GRM1: variants seen among roughly 807,000 people sequenced by gnomAD.
GRM1 encodes glutamate metabotropic receptor 1.
A neutral mutation model predicts 90.9 loss-of-function variants in GRM1; 33 were observed. The ratio of observed to expected loss-of-function variants is 0.36; its 90% confidence interval spans 0.28 to 0.49. GRM1 has a LOEUF of 0.49. Among genes scored for constraint, GRM1 ranks in the 20% least tolerant of loss-of-function variants. GRM1 has a pLI of 0.99. For missense variants in GRM1, 1,190 were observed against 1,534.3 expected, an observed-to-expected ratio of 0.78 and a Z score of 3.75; for synonymous variants, 700 against 613.2, an observed-to-expected ratio of 1.14 and a Z score of -2.09.
chr6:146,101,684 GC>G (rs1777054942), intron 1 of GRM1, among the ~76,000 whole-genome samples: 1 of 151,856 alleles, frequency 6.6e-6, no homozygotes, highest in South Asian at 2.1e-4. Context: ...GTAGAACATT[GC>G]TATAATGCTA....
At chr6:146,297,010 G>A (rs2114903533) in intron 2 of GRM1, among the ~76,000 whole-genome samples, 1 of 152,268 alleles carries the variant, frequency 6.6e-6, no homozygotes, top group Admixed American at 6.5e-5. Context: ...AGCATTCCCT[G>A]ATGCATATCA....
At position 146,206,695 on chromosome 6, in the gene GRM1, G is replaced by T. The variant is rs9390382; in HGVS notation, c.950+47098G>T. On this transcript the variant is annotated intron_variant, in intron 2 of 7. Coordinates refer to ENST00000282753, the MANE Select transcript of GRM1 (RefSeq NM_001278064.2). ...GGTTTGTTACATAAACACATGTCAT[G>T]GGGGTTTGTTGTACAGATTATCTCA... 1.2e-3 allele frequency among the ~76,000 whole-genome samples: 177 copies of T among 151,694 alleles called. 2 individuals are homozygous for T. The East Asian group carries it at 0.031, about 27-fold the overall frequency.
chr6:146,402,557 C>G (rs535296244), intron 7 of GRM1, among the ~76,000 whole-genome samples: 16 of 152,256 alleles, frequency 1.1e-4, no homozygotes, highest in African/African-American at 3.9e-4. Context: ...GAGAACACAT[C>G]ACCCAATGAG....
chr6:146,105,582 G>C (rs941090640), intron 1 of GRM1, among the ~76,000 whole-genome samples: 2 of 150,922 alleles, frequency 1.3e-5, no homozygotes, highest in Non-Finnish European at 1.5e-5. Flanking sequence ...TGAAAAAAAA[G>C]ATAAACTATC....
chr6:146,304,330 G>A (rs998696916), intron 2 of GRM1, among the ~76,000 whole-genome samples: 5 of 152,100 alleles, frequency 3.3e-5, no homozygotes, highest in African/African-American at 9.7e-5. Context: ...AGTGAATGGC[G>A]CAGAATCTGA....
intron 1 of GRM1, among the ~76,000 whole-genome samples, chr6:146,032,864 G>C (rs1486636918): frequency 1.3e-5 from 2 of 152,120 alleles, no homozygotes; most frequent in Non-Finnish European, 1.5e-5. Context: ...TTAATTGTGA[G>C]ATTATCTTGA....
At chr6:146,220,878 G>C (rs1391095138) in intron 2 of GRM1, among the ~76,000 whole-genome samples, 1 of 152,074 alleles carries the variant, frequency 6.6e-6, no homozygotes, top group Non-Finnish European at 1.5e-5. Flanking sequence ...GACCAGGCAA[G>C]TCAGAGCTGG....
intron 1 of GRM1, among the ~76,000 whole-genome samples, chr6:146,114,864 C>G (rs1485316674): frequency 1.3e-5 from 2 of 152,014 alleles, no homozygotes; most frequent in Non-Finnish European, 2.9e-5. Flanking sequence ...CAAAAATACA[C>G]AAATAATAAG....
chr6:146,293,041 C>A (rs1463205903), intron 2 of GRM1, among the ~76,000 whole-genome samples: 1 of 151,936 alleles, frequency 6.6e-6, no homozygotes, highest in African/African-American at 2.4e-5. Context: ...TGTGTGATTA[C>A]ATTTGCATAT....
rs1356451413 is a variant in GRM1 at position 146,029,883 on chromosome 6, C to A, written c.366C>A (p.Phe122Leu). Residue 122 changes from phenylalanine to leucine, a missense_variant, in exon 1 of 8, where the codon TTC becomes TTA. Phe to Leu is a conservative substitution (Grantham distance 22, BLOSUM62 0). Coordinates refer to ENST00000282753, the MANE Select transcript of GRM1 (RefSeq NM_001278064.2). Reference protein sequence around the residue: ...SSVALEQSIEFIRDSLISIRD... With the variant: ...SSVALEQSIELIRDSLISIRD... ...TGGCTCTGGAACAGAGCATTGAGTT[C>A]ATTAGGGACTCTCTGATTTCCATTC... The A allele has an allele frequency of 3.1e-6, 5 of 1,614,124 alleles. No homozygotes were observed. The highest frequency in any genetic ancestry group is 4.2e-6 in the Non-Finnish European group (5 of 1,179,998).
In GRM1 at chr6:146,393,493, A is replaced by G. The variant is rs181979695; in HGVS notation, c.1730-5276A>G. Among the ~76,000 whole-genome samples the G allele has an allele frequency of 5.8e-3, 887 of 152,214 alleles. 8 individuals are homozygous for G. The highest frequency in any genetic ancestry group is 0.034 in the Middle Eastern group (10 of 294). On this transcript the variant is annotated intron_variant, in intron 6 of 7. Transcript: ENST00000282753. ...TCCTATAGGTTGCCTGTTCACTCTG[A>G]TGATAGTTTCTTTTGTTGTGCAGAA...
chr6:146,288,710 C>T (rs368862522), intron 2 of GRM1, among the ~76,000 whole-genome samples: 1 of 152,068 alleles, frequency 6.6e-6, no homozygotes, highest in Non-Finnish European at 1.5e-5. Context: ...TTTGCCATAT[C>T]GGCCAGGGTG....
chr6:146,197,261 T>A (rs1434087488), intron 2 of GRM1, among the ~76,000 whole-genome samples: 2 of 152,126 alleles, frequency 1.3e-5, no homozygotes, highest in African/African-American at 4.8e-5. Flanking sequence ...GTATTGGTCT[T>A]ATTGAAAAAA....
Position 146,236,810 on chromosome 6 carries a change from C to A in GRM1, c.951-67801C>A, listed in dbSNP as rs187494947. On this transcript the variant is annotated intron_variant, in intron 2 of 7. Coordinates refer to ENST00000282753, the MANE Select transcript of GRM1 (RefSeq NM_001278064.2). The stretch of plus-strand genomic sequence containing the variant: ...AGGCCTTCATGCCTTTCTTGCAGGG[C>A]TGCTGTTCTGTTCCTACAGGCCCAA... Among the ~76,000 whole-genome samples the A allele has an allele frequency of 8.5e-4, 129 of 152,218 alleles. 3 individuals are homozygous for A. The highest frequency in any genetic ancestry group is 5.7e-4 in the Non-Finnish European group (39 of 68,010).
intron 1 of GRM1, among the ~76,000 whole-genome samples, chr6:146,158,069 A>G (rs1432328615): frequency 6.6e-6 from 1 of 152,198 alleles, no homozygotes; most frequent in Non-Finnish European, 1.5e-5. Flanking sequence ...GTGCTATTGA[A>G]TATCATTTTT....
intron 1 of GRM1, among the ~76,000 whole-genome samples, chr6:146,138,624 A>G (rs893663381): frequency 6.6e-6 from 1 of 151,826 alleles, no homozygotes. Flanking sequence ...TGTGTCTAGG[A>G]ATTTATTTAT....
chr6:146,150,217 C>T (rs962861922), intron 1 of GRM1, among the ~76,000 whole-genome samples: 3 of 152,088 alleles, frequency 2.0e-5, no homozygotes, highest in African/African-American at 7.2e-5. Flanking sequence ...ATAATTTAAA[C>T]CAGCTGATAT....
intron 1 of GRM1, among the ~76,000 whole-genome samples, chr6:146,122,728 G>A (rs1352681011): frequency 6.6e-6 from 1 of 150,406 alleles, no homozygotes; most frequent in Non-Finnish European, 1.5e-5. Context: ...CTTTTTAAGA[G>A]TAACCTCAAT....
At chr6:146,416,384 A>C (rs906974209) in intron 7 of GRM1, among the ~76,000 whole-genome samples, 3 of 151,908 alleles carry the variant, frequency 2.0e-5, no homozygotes, top group Non-Finnish European at 4.4e-5. Flanking sequence ...TTAGCTCTAC[A>C]TTCTTTTATT....
Sources: allele counts gnomAD v4.1 joint callset (sites outside exome capture counted in the v4.1 genomes callset), GRCh38; gene constraint gnomAD v4.1.1; transcripts MANE v1.5; gene names NCBI Gene and HGNC (gene_info 2026-07-23, HGNC 2026-07-21).